ADAM18: variants seen among roughly 807,000 people sequenced by gnomAD.
The protein encoded by ADAM18 is disintegrin and metalloproteinase domain-containing protein 18.
ADAM18 carries 117 observed loss-of-function variants against 94.4 expected under a neutral mutation model. The observed-to-expected ratio is 1.24, with a 90% confidence interval of 1.07 to 1.45. The LOEUF (loss-of-function observed/expected upper bound fraction) is 1.45. Among genes scored for constraint, ADAM18 ranks in the 40% most tolerant of loss-of-function variants. ADAM18 has a pLI of 0.00. For synonymous variants in ADAM18, 327 were observed against 291.6 expected (o/e 1.12, Z -1.24); for missense variants, 936 against 880.0 (o/e 1.06, Z -0.81).
At chr8:39,723,211 T>C (rs1327242553) in intron 18 of ADAM18, among the ~76,000 whole-genome samples, 1 of 151,416 alleles carries the variant, frequency 6.6e-6, no homozygotes, top group African/African-American at 2.4e-5. Flanking sequence ...AGAATGTCAA[T>C]GAGTGGAAAG....
intron 6 of ADAM18, among the ~76,000 whole-genome samples, 183 bp from the exon 7 acceptor site, chr8:39,629,191 T>C (rs976260317): frequency 2.0e-5 from 3 of 152,002 alleles, no homozygotes; most frequent in South Asian, 2.1e-4. Context: ...GGCAGGTTCA[T>C]TGTAAATATT....
intron 13 of ADAM18, among the ~76,000 whole-genome samples, chr8:39,666,407 T>A (rs1820994291): frequency 6.6e-6 from 1 of 152,182 alleles, no homozygotes; most frequent in Admixed American, 6.5e-5. Context: ...AGTTACAGGG[T>A]ATGGAATTCT....
At chr8:39,587,966 C>T (rs925022430) in intron 2 of ADAM18, among the ~76,000 whole-genome samples, 8 of 152,104 alleles carry the variant, frequency 5.3e-5, no homozygotes, top group East Asian at 1.9e-4. Context: ...TTCCAAACCA[C>T]GAATATTGTG....
At chr8:39,592,493 G>A (rs1346554124) in intron 2 of ADAM18, among the ~76,000 whole-genome samples, 1 of 152,108 alleles carries the variant, frequency 6.6e-6, no homozygotes, top group South Asian at 2.1e-4. Context: ...TATACACCAT[G>A]GAATATTATG....
At chr8:39,713,019 A>G (rs532853111) in intron 18 of ADAM18, among the ~76,000 whole-genome samples, 4 of 152,274 alleles carry the variant, frequency 2.6e-5, no homozygotes, top group African/African-American at 7.2e-5. Context: ...TGGAGGCATC[A>G]CCCTCCCTGA....
In ADAM18 at chr8:39,719,561, A is replaced by C. The variant is rs114136986; in HGVS notation, c.2018-4187A>C. Among the ~76,000 whole-genome samples, 789 of 151,598 alleles carry C rather than the reference A, an allele frequency of 5.2e-3. 3 individuals carry two copies. Among genetic ancestry groups the C allele is most frequent in the African/African-American group, 0.018 (732 of 41,508 alleles). ...CTTAACAAATATTTGTAAAATATAT[A>C]CCTGATAAAGTATTTGTATTCAGAA... On this transcript the variant is annotated intron_variant, in intron 18 of 19. Transcript: ENST00000265707.
chr8:39,645,672 C>A (rs1443488757), intron 11 of ADAM18, among the ~76,000 whole-genome samples, 198 bp downstream of exon 11: 1 of 152,150 alleles, frequency 6.6e-6, no homozygotes, highest in African/African-American at 2.4e-5. Context: ...TCTGTGCACA[C>A]ACATACACAT....
At chr8:39,622,288 T>C (rs1266322694) in intron 6 of ADAM18, among the ~76,000 whole-genome samples, 3 of 149,118 alleles carry the variant, frequency 2.0e-5, no homozygotes, top group African/African-American at 7.3e-5. Flanking sequence ...ATGTATATTA[T>C]ATACATAATT....
At chr8:39,593,870 A>G (rs1029294068) in intron 2 of ADAM18, among the ~76,000 whole-genome samples, 3 of 152,100 alleles carry the variant, frequency 2.0e-5, no homozygotes, top group African/African-American at 7.2e-5. Context: ...GTTTTCTTCA[A>G]TATTATTGCT....
At chr8:39,599,564 TAC>T (rs1318277437) in intron 2 of ADAM18, among the ~76,000 whole-genome samples, 1 of 152,096 alleles carries the variant, frequency 6.6e-6, no homozygotes, top group East Asian at 1.9e-4. Context: ...TATATGTATA[TAC>T]ACACACACAC....
intron 6 of ADAM18, among the ~76,000 whole-genome samples, chr8:39,624,230 A>G (rs1819700627): frequency 6.6e-6 from 1 of 152,192 alleles, no homozygotes; most frequent in Non-Finnish European, 1.5e-5. Context: ...GCCTAGGGCA[A>G]TGTCCAGAAG....
intron 16 of ADAM18, among the ~76,000 whole-genome samples, chr8:39,691,794 T>C (rs568655156): frequency 3.9e-5 from 6 of 152,110 alleles, no homozygotes; most frequent in Non-Finnish European, 5.9e-5. Context: ...GATATCTTTT[T>C]ATTTTTTGCT....
chr8:39,658,576 A>G (rs1820748931), intron 12 of ADAM18, among the ~76,000 whole-genome samples: 2 of 152,002 alleles, frequency 1.3e-5, no homozygotes, highest in African/African-American at 4.8e-5. Flanking sequence ...GCCCACCAAC[A>G]CCTTGATTTT....
intron 2 of ADAM18, among the ~76,000 whole-genome samples, chr8:39,604,075 ACT>A (rs1285932280): frequency 6.6e-6 from 1 of 152,060 alleles, no homozygotes; most frequent in Non-Finnish European, 1.5e-5. Flanking sequence ...TTCAGTAAGA[ACT>A]CTCTGCTCTT....
intron 6 of ADAM18, among the ~76,000 whole-genome samples, chr8:39,617,952 C>T (rs186035017): frequency 1.3e-5 from 2 of 152,180 alleles, no homozygotes; most frequent in African/African-American, 4.8e-5. Context: ...TGTATCAAAC[C>T]AGCACTTCTA....
rs181219993 is a variant in ADAM18, at chr8:39,594,904, C to T, written c.132+9552C>T. 3.7e-4 allele frequency among the ~76,000 whole-genome samples: 56 copies of T among 150,368 alleles called. No homozygotes were observed. In the South Asian group the frequency reaches 4.2e-3, roughly 11 times the overall value. On this transcript the variant is annotated intron_variant, in intron 2 of 19. Transcript: ENST00000265707. ...TTGTCAAATTTGGTAAATTTTCACC[C>T]GCTATTTCTTGTGAGTACCTTTTCA... is the stretch of plus-strand genomic sequence containing the variant.
At position 39,663,870 on chromosome 8, in the gene ADAM18, T is replaced by C. The variant is rs147445686; in HGVS notation, c.1306T>C (p.Cys436Arg). 3.5e-3 allele frequency: 5,567 copies of C among 1,610,946 alleles called. 19 individuals are homozygous for C. Among genetic ancestry groups the C allele is most frequent in the Non-Finnish European group, 4.3e-3 (5,124 of 1,178,994 alleles). ...KGSVKCGSGP[C>R]CTSKCELSIA... ...CTCAGTAAAATGTGGTTCTGGACCA[T>C]GTTGTACATCAAAGTGTGAGGTAAG... Residue 436 changes from cysteine to arginine, a missense_variant, in exon 13 of 20, where the codon TGT becomes CGT. By Grantham distance (180) the Cys-to-Arg change is radical. Coordinates refer to ENST00000265707, the MANE Select transcript of ADAM18 (RefSeq NM_014237.3).
chr8:39,616,809 G>C (rs1187495570), intron 6 of ADAM18, among the ~76,000 whole-genome samples: 2 of 152,174 alleles, frequency 1.3e-5, no homozygotes, highest in Non-Finnish European at 2.9e-5. Context: ...TAACTGGCTA[G>C]TCACATGCAA....
At chr8:39,593,114 T>A (rs1818625281) in intron 2 of ADAM18, among the ~76,000 whole-genome samples, 1 of 152,228 alleles carries the variant, frequency 6.6e-6, no homozygotes, top group Non-Finnish European at 1.5e-5. Flanking sequence ...TTCTTCACTT[T>A]CTTTTCATTT....
Sources: gnomAD v4.1 joint callset for allele counts (sites outside exome capture counted in the v4.1 genomes callset) on GRCh38, gnomAD v4.1.1 for gene constraint, MANE v1.5 for transcripts, NCBI Gene and HGNC (gene_info 2026-07-23, HGNC 2026-07-21) for gene names.